The following MCTP1 variants were observed in gnomAD, a reference collection of about 807,000 sequenced individuals.
MCTP1 encodes the protein multiple C2 and transmembrane domain-containing protein 1.
In MCTP1, 69 loss-of-function variants were observed where a neutral mutation model predicts 120.6. That is an observed-to-expected ratio of 0.57 (90% confidence interval 0.47 to 0.70). MCTP1 has a LOEUF of 0.70. Among genes scored for constraint, MCTP1 ranks in the 30% least tolerant of loss-of-function variants. The pLI, the probability that MCTP1 is intolerant of heterozygous loss-of-function variation, is 0.00. For synonymous variants in MCTP1, 529 were observed against 493.1 expected (o/e 1.07, Z -0.96); for missense variants, 1,203 against 1,248.8 (o/e 0.96, Z 0.55).
At chr5:95,107,045 A>T (rs970265776) in intron 1 of MCTP1, among the ~76,000 whole-genome samples, 7 of 152,234 alleles carry the variant, frequency 4.6e-5, no homozygotes, top group African/African-American at 1.7e-4. Context: ...TGAAAATAAC[A>T]ATGTAGAAAA....
chr5:95,040,580 T>G (rs1842171646), intron 1 of MCTP1, among the ~76,000 whole-genome samples: 1 of 152,068 alleles, frequency 6.6e-6, no homozygotes, highest in African/African-American at 2.4e-5. Flanking sequence ...CTGGATAAAA[T>G]GAACAAGGTG....
chr5:94,846,026 A>G (rs1792252161), intron 17 of MCTP1, among the ~76,000 whole-genome samples: 1 of 152,188 alleles, frequency 6.6e-6, no homozygotes, highest in African/African-American at 2.4e-5. Flanking sequence ...TTGTGGAGGA[A>G]AGGGAATGCT....
At chr5:94,854,961 T>C (rs562004515) in intron 17 of MCTP1, among the ~76,000 whole-genome samples, 1 of 151,962 alleles carries the variant, frequency 6.6e-6, no homozygotes, top group African/African-American at 2.4e-5. Context: ...GCAGTCTCCA[T>C]GTCAAAGCCT....
At position 95,205,942 on chromosome 5, in the gene MCTP1, T is replaced by TAAAATAGTATATCCACTTTGG. The variant is rs374358390; in HGVS notation, c.720+77893_720+77913dup. Among the ~76,000 whole-genome samples the TAAAATAGTATATCCACTTTGG allele has an allele frequency of 4.8e-3, 728 of 152,238 alleles. 6 individuals carry two copies. Among genetic ancestry groups the TAAAATAGTATATCCACTTTGG allele is most frequent in the African/African-American group, 0.015 (636 of 41,556 alleles). ...TATTCATACACTGCTGGTGGGAATA[T>TAAAATAGTATATCCACTTTGG]AAAATAGTATATCCACTTTGGAAAA... On this transcript the variant is annotated intron_variant, in intron 1 of 22. Transcript: ENST00000515393.
intron 10 of MCTP1, among the ~76,000 whole-genome samples, chr5:94,900,213 C>T (rs1301031682): frequency 2.0e-5 from 3 of 152,216 alleles, no homozygotes; most frequent in Non-Finnish European, 4.4e-5. Context: ...ATGCCCTCAG[C>T]CTGAGATGAT....
intron 1 of MCTP1, among the ~76,000 whole-genome samples, chr5:95,103,626 CT>C (rs753728978): frequency 3.9e-5 from 6 of 152,110 alleles, no homozygotes; most frequent in Non-Finnish European, 7.4e-5. Flanking sequence ...TGTACAGTTG[CT>C]TTTTAAGTAG....
chr5:95,275,726 C>T (rs1378167072), intron 1 of MCTP1, among the ~76,000 whole-genome samples: 2 of 152,056 alleles, frequency 1.3e-5, no homozygotes. Context: ...CACTTATAGC[C>T]CATCTCAATT....
intron 1 of MCTP1, among the ~76,000 whole-genome samples, chr5:95,156,512 A>C (rs1224884994): frequency 6.6e-6 from 1 of 152,198 alleles, no homozygotes; most frequent in Non-Finnish European, 1.5e-5. Context: ...TAGTTACCTT[A>C]ACTCATATCA....
At chr5:94,893,065 A>G (rs565608906) in intron 11 of MCTP1, among the ~76,000 whole-genome samples, 113 of 152,362 alleles carry the variant, frequency 7.4e-4, no homozygotes, top group Admixed American at 1.8e-3. Context: ...TTTTGAATAT[A>G]TTGAGCAGAA....
At chr5:94,804,605 A>AT (rs1371911490) in intron 17 of MCTP1, among the ~76,000 whole-genome samples, 1 of 151,784 alleles carries the variant, frequency 6.6e-6, no homozygotes, top group Non-Finnish European at 1.5e-5. Context: ...CGCCCGGCTA[A>AT]TTTTTTGTAT....
At chr5:94,741,269 A>G (rs1765466991) in intron 19 of MCTP1, among the ~76,000 whole-genome samples, 1 of 152,232 alleles carries the variant, frequency 6.6e-6, no homozygotes, top group Admixed American at 6.5e-5. Flanking sequence ...TGACCCTTGT[A>G]AATTAAAATT....
chr5:94,917,719 TGTAAAGAAAGTGTTA>T (rs1810446410), intron 8 of MCTP1, among the ~76,000 whole-genome samples, 162 bp downstream of exon 8: 1 of 152,174 alleles, frequency 6.6e-6, no homozygotes, highest in South Asian at 2.1e-4. Context: ...GAGCTGGCAA[TGTAAAGAAAGTGTTA>T]GTTACATTAT....
rs67319075 is a variant in MCTP1, at chr5:94,846,817, CTGTGTG to C, written c.2436+21510_2436+21515del. Among the ~76,000 whole-genome samples, 98 of 147,236 alleles carry C rather than the reference CTGTGTG, an allele frequency of 6.7e-4. 1 individual carries two copies. The highest frequency in any genetic ancestry group is 1.9e-3 in the African/African-American group (78 of 40,224). On this transcript the variant is annotated intron_variant, in intron 17 of 22. Transcript: ENST00000515393. ...CGTACATGTGTGTCTCTGTGTGTGT[CTGTGTG>C]TGTGTGTGTGTGTGTGTGTGTGGTC...
intron 1 of MCTP1, among the ~76,000 whole-genome samples, chr5:95,177,663 T>C (rs911561271): frequency 7.2e-5 from 11 of 152,348 alleles, no homozygotes; most frequent in African/African-American, 1.2e-4. Context: ...ACTGATCAAG[T>C]TGCACATTCG....
chr5:95,101,337 T>C (rs1756717887), intron 1 of MCTP1, among the ~76,000 whole-genome samples: 1 of 152,154 alleles, frequency 6.6e-6, no homozygotes, highest in African/African-American at 2.4e-5. Flanking sequence ...AAATAGGTAA[T>C]ATTTCCTGTT....
At chr5:94,991,612 G>A (rs1581729635) in intron 2 of MCTP1, among the ~76,000 whole-genome samples, 2 of 152,082 alleles carry the variant, frequency 1.3e-5, no homozygotes, top group Non-Finnish European at 2.9e-5. Flanking sequence ...AAGAGTTTAC[G>A]CCTGTAATCC....
At chr5:95,209,989 A>G (rs1752136811) in intron 1 of MCTP1, among the ~76,000 whole-genome samples, 3 of 152,134 alleles carry the variant, frequency 2.0e-5, no homozygotes, top group Admixed American at 2.0e-4. Context: ...GTTTTGAGTG[A>G]GTTTCTTAAT....
At chr5:95,257,476 C>T (rs1198941613) in intron 1 of MCTP1, among the ~76,000 whole-genome samples, 1 of 151,506 alleles carries the variant, frequency 6.6e-6, no homozygotes, top group East Asian at 1.9e-4. Flanking sequence ...TAAATGAATG[C>T]CTACATTGTT....
rs7704109 is a variant in MCTP1, at chr5:95,220,981, C to A, written c.720+62875G>T. Among the ~76,000 whole-genome samples the A allele has an allele frequency of 5.9e-5, 9 of 151,996 alleles. No homozygotes were observed. The East Asian group carries it at 1.7e-3, about 29-fold the overall frequency. On this transcript the variant is annotated intron_variant, in intron 1 of 22. Coordinates refer to ENST00000515393, the MANE Select transcript of MCTP1 (RefSeq NM_024717.7). ...ACATCAGTAAAGGCAGAAAAAATTA[C>A]GCAAAAAGGACCTAAAGTGCTTAAA...
Sources: allele counts gnomAD v4.1 joint callset (sites outside exome capture counted in the v4.1 genomes callset), GRCh38; gene constraint gnomAD v4.1.1; transcripts MANE v1.5; gene names NCBI Gene and HGNC (gene_info 2026-07-23, HGNC 2026-07-21).